GANC: variants seen among roughly 807,000 people sequenced by gnomAD.
The protein encoded by GANC is neutral alpha-glucosidase C.
GANC carries 117 observed loss-of-function variants against 124.2 expected under a neutral mutation model. That is an observed-to-expected ratio of 0.94 (90% CI 0.81 to 1.10). The LOEUF (loss-of-function observed/expected upper bound fraction) is 1.10, where lower values mean the gene tolerates loss of function less well. Among genes scored for constraint, GANC ranks in the 50% least tolerant of loss-of-function variants. The pLI, the probability that GANC is intolerant of heterozygous loss-of-function variation, is 0.00. For missense variants in GANC, 1,140 were observed against 1,095.0 expected (o/e 1.04, Z -0.58); for synonymous variants, 377 against 376.8 (o/e 1.00, Z -0.01).
At chr15:42,276,533 A>G (rs529632063) in intron 2 of GANC, 123 bp downstream of exon 2, 2 of 547,698 alleles carry the variant, frequency 3.7e-6, no homozygotes. Flanking sequence ...AATTAAGGAA[A>G]TCATCAGACA....
chr15:42,294,009 G>C (rs4923942), intron 5 of GANC, among the ~76,000 whole-genome samples: 139,845 of 151,524 alleles, frequency 0.92, 65,897 homozygotes, highest in Non-Finnish European at 1. Flanking sequence ...TGCGACTGTG[G>C]CACTGCACTC....
intron 3 of GANC, among the ~76,000 whole-genome samples, chr15:42,282,871 C>T (rs961552992): frequency 1.3e-5 from 2 of 152,182 alleles, no homozygotes; most frequent in Admixed American, 6.5e-5. Flanking sequence ...CTGGTGAGGG[C>T]TCTCTTCTTG....
At chr15:42,318,665 C>A (rs1595776823) in intron 10 of GANC, among the ~76,000 whole-genome samples, 1 of 152,176 alleles carries the variant, frequency 6.6e-6, no homozygotes, top group South Asian at 2.1e-4. Flanking sequence ...TGGTTCACTG[C>A]AGCCTCAAGC....
At chr15:42,303,592 T>A (rs1358634308) in intron 6 of GANC, among the ~76,000 whole-genome samples, 1 of 149,382 alleles carries the variant, frequency 6.7e-6, no homozygotes, top group Non-Finnish European at 1.5e-5. Context: ...CCCACCAGTG[T>A]GCTGTGTTCA....
At position 42,312,284 on chromosome 15, in the gene GANC, C is replaced by A. The variant is rs186297040; in HGVS notation, c.1057+1438C>A. Among the ~76,000 whole-genome samples, 11 of 152,338 alleles carry A rather than the reference C, an allele frequency of 7.2e-5. No homozygotes were observed. In the East Asian group the frequency reaches 2.1e-3, roughly 29 times the overall value. ...GATTTGGCTGTTTCCCCACCCAAAT[C>A]TCATCATGAATTCCCCTGTTGTGGG... On this transcript the variant is annotated intron_variant, in intron 10 of 23. Coordinates refer to ENST00000318010, the MANE Select transcript of GANC (RefSeq NM_198141.3).
At chr15:42,351,986 A>G in intron 23 of GANC, 44 bp from the exon 24 acceptor site, 2 of 1,610,466 alleles carry the variant, frequency 1.2e-6, no homozygotes, top group Non-Finnish European at 1.7e-6. Flanking sequence ...TTTCCCTTCT[A>G]GAGATTCATC....
In GANC at chr15:42,327,425, G is replaced by A; in HGVS notation, c.1483G>A (p.Ala495Thr). The A allele has an allele frequency of 6.2e-7, 1 of 1,612,728 alleles. No individual in the cohort carries two copies. Among genetic ancestry groups the A allele is most frequent in the Non-Finnish European group, 8.5e-7 (1 of 1,179,244 alleles). Reference protein sequence around the residue: ...KVREWYSSLFAFPVYQGSTDI... With the variant: ...KVREWYSSLFTFPVYQGSTDI... ...CAGAGAGTGGTATTCAAGTCTTTTT[G>A]CTTTCCCTGTTTATCAGGTTGGTTT... is the stretch of plus-strand genomic sequence containing the variant. The change falls in exon 13 of 24, where the codon GCT becomes ACT. Residue 495 changes from alanine to threonine, a missense_variant. By Grantham distance (58) the Ala-to-Thr change is moderately conservative. Coordinates refer to ENST00000318010, the MANE Select transcript of GANC (RefSeq NM_198141.3).
intron 6 of GANC, among the ~76,000 whole-genome samples, chr15:42,300,786 A>G (rs1385879371): frequency 2.6e-5 from 4 of 152,208 alleles, no homozygotes; most frequent in Non-Finnish European, 5.9e-5. Context: ...TAGGGGGCTG[A>G]GGCAGGTGGA....
chr15:42,293,571 T>A (rs1004533812), intron 5 of GANC, among the ~76,000 whole-genome samples: 4 of 151,512 alleles, frequency 2.6e-5, no homozygotes. Context: ...TTTTCTCATC[T>A]CAGAACTAAT....
intron 3 of GANC, among the ~76,000 whole-genome samples, chr15:42,286,314 C>A (rs1427589360): frequency 6.6e-6 from 1 of 152,172 alleles, no homozygotes; most frequent in African/African-American, 2.4e-5. Context: ...CTTTGCATCT[C>A]TTTTATCTCC....
intron 3 of GANC, among the ~76,000 whole-genome samples, chr15:42,279,875 C>T (rs1189575549): frequency 2.0e-5 from 3 of 152,174 alleles, no homozygotes; most frequent in African/African-American, 7.2e-5. Flanking sequence ...CCCTGCAGCG[C>T]TGTACTGATA....
At chr15:42,333,018 C>T (rs1233934585) in intron 15 of GANC, among the ~76,000 whole-genome samples, 2 of 76,450 alleles carry the variant, frequency 2.6e-5, no homozygotes, top group Non-Finnish European at 6.7e-5. Flanking sequence ...AACTCTGTCT[C>T]AAAAAATATA....
At chr15:42,343,310 G>T in intron 19 of GANC, 156 bp downstream of exon 19, 1 of 618,340 alleles carries the variant, frequency 1.6e-6, no homozygotes. Flanking sequence ...TGTCCTCAGA[G>T]GTCAAGAAAC....
Position 42,273,464 on chromosome 15 carries a change from G to A in GANC, c.-1018G>A. ...CTTCCGGTTCGTCCCGCCTTCTTCC[G>A]GCTCTGCTCTAAGGGCGGGATTATC... On this transcript the variant is annotated 5_prime_UTR_variant, in exon 1 of 24. Coordinates refer to ENST00000318010, the MANE Select transcript of GANC (RefSeq NM_198141.3). 1.9e-6 allele frequency: 3 copies of A among 1,601,750 alleles called. No individual in the cohort carries two copies. Among genetic ancestry groups the A allele is most frequent in the East Asian group, 2.2e-5 (1 of 44,724 alleles).
chr15:42,346,007 G>A (rs1436763326), intron 20 of GANC, among the ~76,000 whole-genome samples, 175 bp downstream of exon 20: 1 of 152,192 alleles, frequency 6.6e-6, no homozygotes, highest in African/African-American at 2.4e-5. Context: ...CCTGGTGAGA[G>A]ATCTTTTCCT....
Position 42,292,771 on chromosome 15 carries a change from A to G in GANC, c.366A>G (p.Ile122Met), listed in dbSNP as rs373560250. 3.8e-5 allele frequency: 62 copies of G among 1,613,970 alleles called. No individual in the cohort carries two copies. The highest frequency in any genetic ancestry group is 5.1e-5 in the Non-Finnish European group (60 of 1,179,988). The change falls in exon 5 of 24, where the codon ATA (isoleucine) becomes ATG (methionine). Residue 122 changes from isoleucine (I) to methionine (M), a missense_variant. Transcript: ENST00000318010. The part of the protein sequence containing the change: ...ISCSGDTGSL[I>M]LADGKGDLKC... Reference sequence around the variant, plus strand: ...GCTCTGGGGACACAGGCAGTCTGATATTGGCAGATGGAAAAGGAGACCTGA... The same window carrying G: ...GCTCTGGGGACACAGGCAGTCTGATGTTGGCAGATGGAAAAGGAGACCTGA...
Position 42,339,772 on chromosome 15 carries a change from C to T in GANC, c.1947C>T (p.Asn649=). Residue 649 remains asparagine, a synonymous_variant, in exon 17 of 24, where the codon AAC becomes AAT. Coordinates refer to ENST00000318010, the MANE Select transcript of GANC (RefSeq NM_198141.3). ...TCTTCCGTGGCCATGCCACCATGAA[C>T]ACCAAGCGACGAGAGCCCTGGCTCT... ...QPFFRGHATM[N]TKRREPWLFG... The T allele has an allele frequency of 6.2e-7, 1 of 1,614,180 alleles. No individual in the cohort carries two copies. The highest frequency in any genetic ancestry group is 8.5e-7 in the Non-Finnish European group (1 of 1,180,022).
At chr15:42,335,005 C>G (rs1390784496) in intron 15 of GANC, among the ~76,000 whole-genome samples, 2 of 152,022 alleles carry the variant, frequency 1.3e-5, no homozygotes, top group African/African-American at 4.8e-5. Context: ...AGCCCAGGAC[C>G]AGACAGATTC....
chr15:42,345,695 C>T (rs2052357762), intron 19 of GANC, 63 bp from the exon 20 acceptor site: 1 of 912,346 alleles, frequency 1.1e-6, no homozygotes, highest in Non-Finnish European at 1.8e-6. Context: ...ATTTTGCTGA[C>T]TAATGAAATG....
Sources: gnomAD v4.1 joint callset for allele counts (sites outside exome capture counted in the v4.1 genomes callset) on GRCh38, gnomAD v4.1.1 for gene constraint, MANE v1.5 for transcripts, NCBI Gene and HGNC (gene_info 2026-07-23, HGNC 2026-07-21) for gene names.